WNT9B: variants seen among roughly 807,000 people sequenced by gnomAD.
WNT9B encodes the protein Wnt family member 9B, also known as protein Wnt-9b.
Under a neutral mutation model 30.2 loss-of-function variants are expected in WNT9B, and 12 were observed. That is an observed-to-expected ratio of 0.40 (90% CI 0.26 to 0.64). The LOEUF is 0.64. WNT9B is among the 30% of genes least tolerant of loss of function. The probability of loss-of-function intolerance (pLI) is 0.42; values close to 1 mark genes in which losing one functional copy is unlikely to be tolerated. For synonymous variants in WNT9B, 218 were observed against 216.9 expected, an observed-to-expected ratio of 1.01 and a Z score of -0.05; for missense variants, 442 against 485.2, an observed-to-expected ratio of 0.91 and a Z score of 0.84.
chr17:46,871,003 C>T (rs990996771), intron 1 of WNT9B, among the ~76,000 whole-genome samples: 2 of 151,430 alleles, frequency 1.3e-5, no homozygotes, highest in Admixed American at 6.6e-5. Context: ...CTCCACCTCC[C>T]GAGCTCAAGC....
At chr17:46,862,107 G>C (rs2085048194) in intron 1 of WNT9B, among the ~76,000 whole-genome samples, 1 of 149,322 alleles carries the variant, frequency 6.7e-6, no homozygotes, top group Non-Finnish European at 1.5e-5. Context: ...AGTTTGCAGT[G>C]AGCCGAGATT....
At chr17:46,856,105 A>G (rs527392313) in intron 1 of WNT9B, among the ~76,000 whole-genome samples, 1 of 152,354 alleles carries the variant, frequency 6.6e-6, no homozygotes, top group African/African-American at 2.4e-5. Context: ...TGACCTCTGC[A>G]CTGGTTGAGT....
intron 1 of WNT9B, among the ~76,000 whole-genome samples, chr17:46,868,352 G>A (rs1437774921): frequency 6.6e-6 from 1 of 152,206 alleles, no homozygotes; most frequent in Non-Finnish European, 1.5e-5. Context: ...AGCACTTTGG[G>A]AGGCCAAGGT....
chr17:46,851,529 C>A, upstream of WNT9B: 1 of 504,102 alleles, frequency 2.0e-6, no homozygotes, highest in Non-Finnish European at 3.0e-6. This position sits in a 1 kb window ranked among gnomAD's most constrained non-coding sequence, Gnocchi z 4.3. Context: ...CCTTTCCCAG[C>A]GCCGCCTGCC....
chr17:46,869,529 A>G (rs778378321), intron 1 of WNT9B, among the ~76,000 whole-genome samples: 5 of 152,202 alleles, frequency 3.3e-5, no homozygotes, highest in Admixed American at 6.5e-5. Flanking sequence ...GAACAAACCA[A>G]CAAAAACCAG....
At chr17:46,833,233 T>TGGGCCTG in exon 1 of WNT9B, 1 of 419,816 alleles carries the variant, frequency 2.4e-6, no homozygotes, top group Non-Finnish European at 4.8e-6. Flanking sequence ...GCGTGGAAGC[T>TGGGCCTG]GGGCCTGAGC....
At chr17:46,861,142 C>A (rs2085030572) in intron 1 of WNT9B, among the ~76,000 whole-genome samples, 1 of 152,264 alleles carries the variant, frequency 6.6e-6, no homozygotes, top group Non-Finnish European at 1.5e-5. Context: ...CCCCTTAGGG[C>A]AGCTCTGTCC....
rs765555952 is a variant in WNT9B, at chr17:46,876,333, C to T, written c.689C>T (p.Pro230Leu). The change falls in exon 4 of 4, where the codon CCG becomes CTG. Residue 230 changes from proline to leucine, a missense_variant. By Grantham distance (98) the Pro-to-Leu change is moderately conservative. Transcript: ENST00000290015. The stretch of plus-strand genomic sequence containing the variant: ...CGCACCTGCTGGAAGCAGCTCTCCC[C>T]GTTCCGTGAGACGGGCCAGGTGCTG... Reference protein sequence around the residue: ...AVRTCWKQLSPFRETGQVLKL... With the variant: ...AVRTCWKQLSLFRETGQVLKL... 23 of 1,614,056 alleles carry T rather than the reference C, an allele frequency of 1.4e-5. No individual in the cohort carries two copies. Among genetic ancestry groups the T allele is most frequent in the East Asian group, 2.2e-5 (1 of 44,900 alleles).
At chr17:46,883,217 C>T (rs984099042), downstream of WNT9B, among the ~76,000 whole-genome samples, 1 of 151,318 alleles carries the variant, frequency 6.6e-6, no homozygotes, top group Admixed American at 6.6e-5. Context: ...CTCCTGACCT[C>T]GTGATCCGCC....
chr17:46,870,204 C>T (rs557402659), intron 1 of WNT9B, among the ~76,000 whole-genome samples: 2 of 152,290 alleles, frequency 1.3e-5, no homozygotes, highest in African/African-American at 4.8e-5. Flanking sequence ...TTCTGAAACA[C>T]AGGAATTGTG....
At chr17:46,876,203 G>A (rs370794953) in intron 3 of WNT9B, 42 bp from the exon 4 acceptor site, 18 of 1,537,514 alleles carry the variant, frequency 1.2e-5, no homozygotes, top group African/African-American at 2.7e-5. Context: ...TGGCTGCTGG[G>A]CCCAGGCCTC....
upstream of WNT9B, among the ~76,000 whole-genome samples, chr17:46,850,702 C>T (rs1274969101): frequency 6.6e-6 from 1 of 152,238 alleles, no homozygotes; most frequent in Non-Finnish European, 1.5e-5. Flanking sequence ...GCTTTGATCT[C>T]TGCACCTTCG....
intron 1 of WNT9B, among the ~76,000 whole-genome samples, chr17:46,843,103 A>G (rs891684170): frequency 6.6e-6 from 1 of 152,252 alleles, no homozygotes. Flanking sequence ...CATGAGGAAG[A>G]AGGTGGGCAC....
Position 46,851,599 on chromosome 17 carries a change from G to T in WNT9B, c.-40G>T. 2.5e-6 allele frequency: 3 copies of T among 1,176,584 alleles called. No homozygotes were observed. The highest frequency in any genetic ancestry group is 3.2e-6 in the Non-Finnish European group (3 of 935,422). 72.9% of individuals were successfully genotyped at this position (1,176,584 alleles called of 1,614,324 possible). A position where few individuals can be genotyped will look rare whatever the true frequency, so the allele number is the denominator to read the frequency against. On this transcript the variant is annotated 5_prime_UTR_variant, in exon 1 of 4. Transcript: ENST00000290015. The surrounding 1 kb of genome is among the most constrained non-coding windows in gnomAD (Gnocchi z 4.3). The stretch of plus-strand genomic sequence containing the variant: ...TGGTGGCGGAGCTGCGAGCTTGAGC[G>T]GCGCGAGGAGATGCTAGAGGGCGCA...
intron 1 of WNT9B, among the ~76,000 whole-genome samples, chr17:46,841,597 A>G (rs567234063): frequency 6.6e-6 from 1 of 152,278 alleles, no homozygotes; most frequent in South Asian, 2.1e-4. Flanking sequence ...GGCTTCGGAG[A>G]AGGGAGCGCT....
rs745497462 is a variant in WNT9B, at chr17:46,872,543, C to T, written c.104C>T (p.Pro35Leu). The T allele has an allele frequency of 6.4e-7, 1 of 1,563,574 alleles. No individual in the cohort carries two copies. Among genetic ancestry groups the T allele is most frequent in the Non-Finnish European group, 8.7e-7 (1 of 1,152,324 alleles). The change falls in exon 2 of 4, where the codon CCC (proline) becomes CTC (leucine). Residue 35 changes from proline to leucine, a missense_variant. Coordinates refer to ENST00000290015, the MANE Select transcript of WNT9B (RefSeq NM_003396.3). ...FGLTGREVLT[P>L]FPGLGTAAAP... ...CTGACCGGGCGGGAAGTCCTGACGC[C>T]CTTCCCAGGATTGGGCACTGCGGCA...
intron 1 of WNT9B, among the ~76,000 whole-genome samples, chr17:46,843,680 C>G (rs745739404): frequency 2.0e-4 from 30 of 152,144 alleles, no homozygotes; most frequent in African/African-American, 7.0e-4. Context: ...TTCTCTGTGC[C>G]CATTTCCTCA....
At chr17:46,858,146 T>A (rs952282558) in intron 1 of WNT9B, among the ~76,000 whole-genome samples, 8 of 152,212 alleles carry the variant, frequency 5.3e-5, no homozygotes, top group Non-Finnish European at 5.9e-5. Context: ...GCCTGGCTGG[T>A]CTTGAACTCC....
intron 1 of WNT9B, among the ~76,000 whole-genome samples, chr17:46,842,410 T>C (rs2084726683): frequency 6.6e-6 from 1 of 152,222 alleles, no homozygotes; most frequent in Non-Finnish European, 1.5e-5. Context: ...GGTCTCCCTC[T>C]GTCGCCCAGG....
Sources: allele counts gnomAD v4.1 joint callset (sites outside exome capture counted in the v4.1 genomes callset), GRCh38; gene constraint gnomAD v4.1.1; non-coding constraint Gnocchi (gnomAD v3.1); transcripts MANE v1.5; gene names NCBI Gene and HGNC (gene_info 2026-07-23, HGNC 2026-07-21).